LARP4B: variants seen among roughly 807,000 people sequenced by gnomAD.
LARP4B encodes the protein la-related protein 4B.
LARP4B carries 12 observed loss-of-function variants against 89.8 expected under a neutral mutation model. The ratio of observed to expected loss-of-function variants is 0.13; its 90% confidence interval spans 0.09 to 0.22. LARP4B has a LOEUF of 0.22. Among genes scored for constraint, LARP4B ranks in the 10% least tolerant of loss-of-function variants. The pLI is 1.00. For missense variants in LARP4B, 757 were observed against 947.7 expected, an observed-to-expected ratio of 0.80 and a Z score of 2.64; for synonymous variants, 367 against 363.3, an observed-to-expected ratio of 1.01 and a Z score of -0.12.
intron 5 of LARP4B, among the ~76,000 whole-genome samples, chr10:859,734 G>A (rs1367629625): frequency 2.6e-5 from 4 of 152,152 alleles, no homozygotes; most frequent in African/African-American, 7.2e-5. Flanking sequence ...AAGACATGGA[G>A]GAAGCTTAAA....
intron 3 of LARP4B, chr10:873,480 GCTT>G: frequency 1.1e-6 from 1 of 934,586 alleles, no homozygotes; most frequent in Non-Finnish European, 1.3e-6. Context: ...AAGATTTCAG[GCTT>G]CTGGTTTTTC....
the LARP4B span, chr10:972,655 TTGAC>T: frequency 6.6e-6 from 3 of 457,174 alleles, no homozygotes; most frequent in African/African-American, 4.0e-5. Flanking sequence ...TGTAAGCCGT[TTGAC>T]TGGTATGAAG....
chr10:883,819 C>G (rs1302242098), intron 3 of LARP4B, among the ~76,000 whole-genome samples: 1 of 150,714 alleles, frequency 6.6e-6, no homozygotes, highest in Non-Finnish European at 1.5e-5. Flanking sequence ...TCAATTCCTA[C>G]GTGAACTGCT....
At chr10:973,649 C>T in the LARP4B span, among the ~76,000 whole-genome samples, 1 of 152,146 alleles carries the variant, frequency 6.6e-6, no homozygotes, top group Non-Finnish European at 1.5e-5. Flanking sequence ...CTGCGCCTGG[C>T]CTGTTGAACT....
In LARP4B at chr10:829,487, G is replaced by C. The variant is rs1252832893; in HGVS notation, c.1023C>G (p.Phe341Leu). Residue 341 changes from phenylalanine (F) to leucine (L), a missense_variant, in exon 11 of 18, where the codon TTC (phenylalanine) becomes TTG (leucine). Around this residue, in one of 5 missense-constraint regions of LARP4B, gnomAD observed 137 missense variants for 213.9 expected, o/e 0.64. Transcript: ENST00000316157. ...LYAQQRYATSFYFPPMYSPQQ... is the reference protein window; with the variant it reads ...LYAQQRYATSLYFPPMYSPQQ... ...GGGGGCTGTACATGGGAGGGAAGTAGAACGACGTCGCGTAGCGCTGCTGGG... is the reference window on the plus strand; with the variant it reads ...GGGGGCTGTACATGGGAGGGAAGTACAACGACGTCGCGTAGCGCTGCTGGG... The C allele has an allele frequency of 6.2e-7, 1 of 1,614,194 alleles. No individual in the cohort carries two copies. Among genetic ancestry groups the C allele is most frequent in the South Asian group, 1.1e-5 (1 of 91,084 alleles).
chr10:959,748 C>A, the LARP4B span, among the ~76,000 whole-genome samples: 1 of 115,962 alleles, frequency 8.6e-6, no homozygotes, highest in African/African-American at 3.6e-5. Context: ...CAATCCACCT[C>A]CCCGTCAATC....
At chr10:973,792 C>T in the LARP4B span, among the ~76,000 whole-genome samples, 2 of 152,128 alleles carry the variant, frequency 1.3e-5, no homozygotes, top group African/African-American at 2.4e-5. Flanking sequence ...ATCTTAACAG[C>T]TTAGCCCTCA....
chr10:918,355 G>A (rs1041442974), intron 1 of LARP4B, among the ~76,000 whole-genome samples: 10 of 152,134 alleles, frequency 6.6e-5, no homozygotes, highest in African/African-American at 1.4e-4. Flanking sequence ...CAGACAGGCC[G>A]GGGATGATGG....
In LARP4B at chr10:921,884, C is replaced by T. The variant is rs75574403; in HGVS notation, c.-40+9544G>A. Among the ~76,000 whole-genome samples the T allele has an allele frequency of 1.6e-3, 237 of 152,324 alleles. 2 individuals are homozygous for T. Among genetic ancestry groups the T allele is most frequent in the African/African-American group, 5.5e-3 (227 of 41,584 alleles). On this transcript the variant is annotated intron_variant, in intron 1 of 17. Transcript: ENST00000316157. ...AACTGAAGGCCACGTGCACACGCAG[C>T]AACACTGGTAATACTGCTTCCCATA...
chr10:848,841 A>C (rs1288286571), intron 5 of LARP4B, among the ~76,000 whole-genome samples: 2 of 152,224 alleles, frequency 1.3e-5, no homozygotes, highest in Non-Finnish European at 2.9e-5. Flanking sequence ...ACACAGGAGT[A>C]GAGAGCACCA....
the LARP4B span, among the ~76,000 whole-genome samples, chr10:969,905 C>T: frequency 2.0e-5 from 3 of 152,086 alleles, no homozygotes; most frequent in South Asian, 2.1e-4. Flanking sequence ...GGTAAGGGAC[C>T]GTGAGCATTT....
At position 829,708 on chromosome 10, in the gene LARP4B, G is replaced by C. The variant is rs1287725462; in HGVS notation, c.888C>G (p.Val296=). The C allele has an allele frequency of 2.5e-6, 4 of 1,612,656 alleles. No homozygotes were observed. Among genetic ancestry groups the C allele is most frequent in the Admixed American group, 3.3e-5 (2 of 60,014 alleles). The change falls in exon 10 of 18, where the codon GTC becomes GTG. Residue 296 remains valine, a synonymous_variant. Transcript: ENST00000316157. The part of the protein sequence containing the change: ...QQAYKYLREE[V]KTFQGKPIKA... ...TAATTGGTTTTCCTTGAAAAGTTTT[G>C]ACTTCTTCTCGAAGGTATTTGTAAG...
chr10:863,697 A>G, intron 5 of LARP4B, 46 bp downstream of exon 5: 3 of 1,533,012 alleles, frequency 2.0e-6, no homozygotes, highest in Non-Finnish European at 2.6e-6. Context: ...AAATAAATAA[A>G]GCAGCCCATA....
At chr10:862,532 G>T (rs1017672270) in intron 5 of LARP4B, among the ~76,000 whole-genome samples, 1 of 152,068 alleles carries the variant, frequency 6.6e-6, no homozygotes, top group African/African-American at 2.4e-5. Flanking sequence ...AGGCCGAGGC[G>T]GGCAGATCAC....
chr10:900,723 G>A (rs12267591), intron 1 of LARP4B, among the ~76,000 whole-genome samples: 2 of 148,820 alleles, frequency 1.3e-5, no homozygotes, highest in African/African-American at 5.0e-5. Context: ...GAGTTCAAGC[G>A]ATTCTCCTGC....
the LARP4B span, among the ~76,000 whole-genome samples, chr10:978,537 G>A: frequency 1.3e-5 from 2 of 151,926 alleles, no homozygotes; most frequent in African/African-American, 4.8e-5. Flanking sequence ...TAATTTGGAA[G>A]TTATACATTC....
At chr10:891,306 T>C (rs1836012391) in intron 1 of LARP4B, among the ~76,000 whole-genome samples, 1 of 152,178 alleles carries the variant, frequency 6.6e-6, no homozygotes, top group South Asian at 2.1e-4. Flanking sequence ...AGACACACGC[T>C]GGTCAGTCAG....
chr10:842,530 T>C (rs752193506), intron 7 of LARP4B, among the ~76,000 whole-genome samples: 15 of 152,114 alleles, frequency 9.9e-5, no homozygotes, highest in Non-Finnish European at 1.8e-4. Flanking sequence ...GCAATAATTA[T>C]TTCATCCGAA....
At chr10:882,037 A>G (rs1003329066) in intron 3 of LARP4B, among the ~76,000 whole-genome samples, 1 of 152,102 alleles carries the variant, frequency 6.6e-6, no homozygotes, top group East Asian at 1.9e-4. Context: ...GGAGACACAG[A>G]GCATGTTTGT....
Sources: allele counts gnomAD v4.1 joint callset (sites outside exome capture counted in the v4.1 genomes callset), GRCh38; gene constraint gnomAD v4.1.1; regional missense constraint gnomAD v4.1.1; transcripts MANE v1.5; gene names NCBI Gene and HGNC (gene_info 2026-07-23, HGNC 2026-07-21).